Variants in IMMP2L observed in about 807,000 individuals in gnomAD.
IMMP2L encodes mitochondrial inner membrane protease subunit 2.
A neutral mutation model predicts 19.3 loss-of-function variants in IMMP2L; 18 were observed. The observed-to-expected ratio is 0.93, with a 90% confidence interval of 0.64 to 1.38. The LOEUF is 1.38. Ranked by LOEUF, IMMP2L falls within the 40% of genes most tolerant of loss-of-function variation. The pLI is 0.00. For missense variants in IMMP2L, 233 were observed against 218.2 expected, an observed-to-expected ratio of 1.07 and a Z score of -0.43; for synonymous variants, 76 against 73.0, an observed-to-expected ratio of 1.04 and a Z score of -0.21.
intron 3 of IMMP2L, among the ~76,000 whole-genome samples, chr7:111,265,187 G>A (rs1333869352): frequency 1.3e-5 from 2 of 152,166 alleles, no homozygotes; most frequent in African/African-American, 4.8e-5. Context: ...CTGACAGCCA[G>A]CTGCCCACAT....
At chr7:111,292,801 T>A (rs1268652050) in intron 3 of IMMP2L, among the ~76,000 whole-genome samples, 1 of 152,012 alleles carries the variant, frequency 6.6e-6, no homozygotes, top group Non-Finnish European at 1.5e-5. Context: ...ATTGAGTTAA[T>A]AATGGAAAGA....
intron 5 of IMMP2L, among the ~76,000 whole-genome samples, chr7:110,769,043 T>G (rs1798861323): frequency 6.6e-6 from 1 of 152,224 alleles, no homozygotes; most frequent in African/African-American, 2.4e-5. Context: ...CTAAAGTCCA[T>G]GTAAATGTTC....
At chr7:110,962,925 G>C in intron 4 of IMMP2L, 1 of 1,403,220 alleles carries the variant, frequency 7.1e-7, no homozygotes, top group Non-Finnish European at 9.2e-7. Flanking sequence ...GTATTTACTT[G>C]CTGAATGTCA....
chr7:111,238,219 GGAA>G (rs1814570630), intron 3 of IMMP2L, among the ~76,000 whole-genome samples: 1 of 151,916 alleles, frequency 6.6e-6, no homozygotes, highest in South Asian at 2.1e-4. Context: ...TGTACCATAA[GGAA>G]GAAGACAGGC....
At chr7:111,164,034 A>T (rs1314116502) in intron 3 of IMMP2L, among the ~76,000 whole-genome samples, 1 of 151,758 alleles carries the variant, frequency 6.6e-6, no homozygotes, top group Admixed American at 6.6e-5. Flanking sequence ...TTAGAGGATT[A>T]AAAACAGAAC....
chr7:110,672,609 G>T (rs572983147), intron 5 of IMMP2L, among the ~76,000 whole-genome samples: 7 of 152,076 alleles, frequency 4.6e-5, no homozygotes, highest in African/African-American at 1.7e-4. Context: ...AGTTAGTTAC[G>T]TCCTAGATGC....
chr7:110,667,747 G>A (rs531484039), intron 5 of IMMP2L, among the ~76,000 whole-genome samples: 111 of 152,252 alleles, frequency 7.3e-4, no homozygotes, highest in African/African-American at 2.6e-3. Flanking sequence ...GACCCATATT[G>A]GACTTTTGAC....
chr7:110,714,095 T>G (rs866090639), intron 5 of IMMP2L, among the ~76,000 whole-genome samples: 1 of 152,196 alleles, frequency 6.6e-6, no homozygotes, highest in Non-Finnish European at 1.5e-5. Context: ...TTTTGATGTA[T>G]TTTCCTTTAA....
chr7:110,757,260 C>A lies in IMMP2L; in HGVS notation c.409-93539G>T, dbSNP rs1362811328. Among the ~76,000 whole-genome samples, 2 of 151,954 alleles carry A rather than the reference C, an allele frequency of 1.3e-5. No individual in the cohort carries two copies. The highest frequency in any genetic ancestry group is 4.8e-5 in the African/African-American group (2 of 41,382). On this transcript the variant is annotated intron_variant, in intron 5 of 5. Coordinates refer to ENST00000405709, the MANE Select transcript of IMMP2L (RefSeq NM_032549.4). This position sits in a 1 kb window ranked among gnomAD's most constrained non-coding sequence, Gnocchi z 4.2. The stretch of plus-strand genomic sequence containing the variant: ...GCAATCTGGGGAGTCACTGAGGGAA[C>A]CACATCCAGAAGGGCTTCGTATTTG...
At chr7:110,707,029 A>T (rs1380048863) in intron 5 of IMMP2L, among the ~76,000 whole-genome samples, 2 of 110,296 alleles carry the variant, frequency 1.8e-5, no homozygotes, top group African/African-American at 6.6e-5. Flanking sequence ...TTATACTCTA[A>T]GTTTTAGGGT....
intron 3 of IMMP2L, among the ~76,000 whole-genome samples, chr7:110,992,675 C>T (rs1822605976): frequency 6.6e-6 from 1 of 151,734 alleles, no homozygotes; most frequent in Non-Finnish European, 1.5e-5. Flanking sequence ...ACAAAACATT[C>T]ATTAGGAAGC....
chr7:110,853,081 C>A (rs1806404843), intron 5 of IMMP2L, among the ~76,000 whole-genome samples: 1 of 151,888 alleles, frequency 6.6e-6, no homozygotes, highest in African/African-American at 2.4e-5. Flanking sequence ...AGTTCCTAAA[C>A]AAAATGTATA....
chr7:111,021,669 G>C (rs1234863232), intron 3 of IMMP2L, among the ~76,000 whole-genome samples: 1 of 152,218 alleles, frequency 6.6e-6, no homozygotes, highest in Non-Finnish European at 1.5e-5. Context: ...GATCACCTGA[G>C]GTCAGGAGTT....
At chr7:111,528,436 G>C (rs1847089425) in intron 1 of IMMP2L, among the ~76,000 whole-genome samples, 1 of 152,178 alleles carries the variant, frequency 6.6e-6, no homozygotes, top group African/African-American at 2.4e-5. Flanking sequence ...AGTACACCCA[G>C]TTCATTGTTG....
intron 3 of IMMP2L, among the ~76,000 whole-genome samples, chr7:111,040,098 GA>G (rs2129570731): frequency 6.6e-6 from 1 of 152,318 alleles, no homozygotes; most frequent in South Asian, 2.1e-4. Context: ...CCGGGAGGCA[GA>G]CAGAGGATGC....
chr7:110,739,549 C>T (rs1796859446), intron 5 of IMMP2L, among the ~76,000 whole-genome samples: 1 of 152,066 alleles, frequency 6.6e-6, no homozygotes, highest in South Asian at 2.1e-4. Flanking sequence ...TACTGGAGCT[C>T]CCAAATTTAT....
At chr7:110,725,652 G>A (rs1049995185) in intron 5 of IMMP2L, 19 of 152,122 alleles carry the variant, frequency 1.2e-4, no homozygotes, top group African/African-American at 4.6e-4. Flanking sequence ...AAATACAATA[G>A]CCTTGAAATA....
intron 3 of IMMP2L, among the ~76,000 whole-genome samples, chr7:111,277,969 T>C (rs1279261936): frequency 1.3e-5 from 2 of 152,114 alleles, no homozygotes; most frequent in Non-Finnish European, 1.5e-5. Context: ...TTATCCTTAG[T>C]GAAATAACTT....
intron 3 of IMMP2L, among the ~76,000 whole-genome samples, chr7:111,299,175 A>C (rs1821946658): frequency 6.6e-6 from 1 of 152,200 alleles, no homozygotes; most frequent in Non-Finnish European, 1.5e-5. Context: ...GTACAGTTAA[A>C]AACACACACA....
Sources: allele counts gnomAD v4.1 joint callset (sites outside exome capture counted in the v4.1 genomes callset), GRCh38; gene constraint gnomAD v4.1.1; non-coding constraint Gnocchi (gnomAD v3.1); transcripts MANE v1.5; gene names NCBI Gene and HGNC (gene_info 2026-07-23, HGNC 2026-07-21).